The following ABCC4 variants were observed in gnomAD, a reference collection of about 807,000 sequenced individuals.
ABCC4 encodes ATP binding cassette subfamily C member 4 (PEL blood group).
A neutral mutation model predicts 168.5 loss-of-function variants in ABCC4; 102 were observed. That is an observed-to-expected ratio of 0.61 (90% confidence interval 0.52 to 0.71). The LOEUF is 0.71. ABCC4 is among the 30% of genes least tolerant of loss of function. The pLI, the probability that ABCC4 is intolerant of heterozygous loss-of-function variation, is 0.00. For missense variants in ABCC4, 1,402 were observed against 1,605.8 expected (o/e 0.87, Z 2.17); for synonymous variants, 617 against 590.7 (o/e 1.04, Z -0.65).
At chr13:95,256,729 G>A (rs141263084) in intron 1 of ABCC4, among the ~76,000 whole-genome samples, 252 of 151,976 alleles carry the variant, frequency 1.7e-3, no homozygotes, top group African/African-American at 6.0e-3. Context: ...TTGCCCTCCA[G>A]CCTGGGTGAC....
At chr13:95,247,541 G>A (rs2138807181) in intron 2 of ABCC4, 102 bp downstream of exon 2, 2 of 839,216 alleles carry the variant, frequency 2.4e-6, no homozygotes, top group East Asian at 5.0e-5. Flanking sequence ...TTCACCTTAA[G>A]GGTAAACGGA....
chr13:95,076,597 TG>T (rs2033916466), intron 21 of ABCC4, among the ~76,000 whole-genome samples: 1 of 151,578 alleles, frequency 6.6e-6, no homozygotes, highest in Non-Finnish European at 1.5e-5. Flanking sequence ...CCTAAGTAGC[TG>T]GGATTACAGA....
intron 4 of ABCC4, among the ~76,000 whole-genome samples, chr13:95,226,852 T>C (rs906806617): frequency 2.0e-5 from 3 of 152,190 alleles, no homozygotes; most frequent in Admixed American, 1.3e-4. Flanking sequence ...TATTCACCAA[T>C]GAGGGGGATT....
Position 95,029,167 on chromosome 13 carries a change from CATATATATATATATATATAT to C in ABCC4, c.3870+5418_3870+5437del, listed in dbSNP as rs67576340. On this transcript the variant is annotated intron_variant, in intron 30 of 30. Transcript: ENST00000645237. ...GAGTGAAACTGCTTTAAAAAAAATA[CATATATATATATATATATAT>C]ATATATATATATATATATATATATA... Among the ~76,000 whole-genome samples, 438 of 82,902 alleles carry C rather than the reference CATATATATATATATATATAT, an allele frequency of 5.3e-3. 10 individuals are homozygous for C. Among genetic ancestry groups the C allele is most frequent in the African/African-American group, 0.015 (262 of 17,564 alleles). 54.4% of individuals were successfully genotyped at this position (82,902 alleles called of 152,430 possible).
At chr13:95,147,173 G>A (rs979340090) in intron 19 of ABCC4, among the ~76,000 whole-genome samples, 4 of 152,120 alleles carry the variant, frequency 2.6e-5, no homozygotes, top group Middle Eastern at 3.4e-3. Flanking sequence ...AAAATTAGTA[G>A]GTGTCCTATC....
chr13:95,204,209 G>A (rs1468546413), intron 8 of ABCC4, among the ~76,000 whole-genome samples: 1 of 152,112 alleles, frequency 6.6e-6, no homozygotes, highest in Admixed American at 6.6e-5. Flanking sequence ...TACACCTAGG[G>A]TTCAAAAATA....
intron 29 of ABCC4, among the ~76,000 whole-genome samples, chr13:95,040,503 TG>T (rs1161301832): frequency 6.6e-6 from 1 of 152,234 alleles, no homozygotes; most frequent in Non-Finnish European, 1.5e-5. Context: ...CCCAAAGTGC[TG>T]GGATTACAGG....
At chr13:95,277,221 T>C (rs1036834673) in intron 1 of ABCC4, among the ~76,000 whole-genome samples, 12 of 151,858 alleles carry the variant, frequency 7.9e-5, no homozygotes, top group African/African-American at 2.9e-4. Flanking sequence ...GAGTTCACAT[T>C]GGGGAAGGGA....
At chr13:95,157,123 C>T (rs992279774) in intron 19 of ABCC4, among the ~76,000 whole-genome samples, 3 of 144,940 alleles carry the variant, frequency 2.1e-5, no homozygotes, top group Admixed American at 1.3e-4. Context: ...CACACACACA[C>T]ACACACAAAC....
chr13:95,078,910 C>T (rs1260066945), intron 21 of ABCC4, among the ~76,000 whole-genome samples: 1 of 152,118 alleles, frequency 6.6e-6, no homozygotes, highest in Non-Finnish European at 1.5e-5. Flanking sequence ...TCAGGAGATC[C>T]AAGTCGCCAC....
At chr13:95,058,968 T>C (rs1158477367) in intron 26 of ABCC4, among the ~76,000 whole-genome samples, 3 of 152,254 alleles carry the variant, frequency 2.0e-5, no homozygotes, top group Non-Finnish European at 4.4e-5. Context: ...ACCATCCTTA[T>C]GTCTTTTATA....
chr13:95,109,504 G>T (rs775885501), intron 20 of ABCC4, among the ~76,000 whole-genome samples: 21 of 151,966 alleles, frequency 1.4e-4, no homozygotes, highest in Admixed American at 3.9e-4. Context: ...TTTGAATTTT[G>T]CTCTTTGTAT....
intron 8 of ABCC4, among the ~76,000 whole-genome samples, chr13:95,195,853 C>T (rs1678382): frequency 0.16 from 24,416 of 151,938 alleles, 2,412 homozygotes; most frequent in African/African-American, 0.27. Flanking sequence ...AGGCTGGTCT[C>T]GAACTGCTGG....
chr13:95,170,394 T>C (rs927956607), intron 14 of ABCC4, 138 bp downstream of exon 14: 58 of 546,492 alleles, frequency 1.1e-4, no homozygotes, highest in Non-Finnish European at 2.9e-5. Context: ...TAATGACATT[T>C]CTACAAGTCT....
intron 19 of ABCC4, among the ~76,000 whole-genome samples, chr13:95,158,919 A>G (rs1486884447): frequency 6.6e-6 from 1 of 151,268 alleles, no homozygotes; most frequent in Admixed American, 6.6e-5. Context: ...AATAGAATAA[A>G]ATAAATTTTA....
At chr13:95,272,274 G>C (rs1332696486) in intron 1 of ABCC4, among the ~76,000 whole-genome samples, 1 of 130,454 alleles carries the variant, frequency 7.7e-6, no homozygotes, top group African/African-American at 3.7e-5. Flanking sequence ...TCAAACTCCT[G>C]ACCTCAGGTG....
At chr13:95,137,269 T>C (rs2036172185) in intron 19 of ABCC4, among the ~76,000 whole-genome samples, 1 of 152,190 alleles carries the variant, frequency 6.6e-6, no homozygotes, top group Non-Finnish European at 1.5e-5. Context: ...GAAGGCCACG[T>C]GTATTGAGAC....
intron 1 of ABCC4, among the ~76,000 whole-genome samples, chr13:95,278,731 G>A (rs1028384355): frequency 2.1e-5 from 3 of 145,860 alleles, no homozygotes; most frequent in African/African-American, 7.5e-5. Flanking sequence ...CGAGCACAGG[G>A]AGGTTGAGGC....
At chr13:95,191,153 G>C (rs1045580407) in intron 9 of ABCC4, among the ~76,000 whole-genome samples, 1 of 152,170 alleles carries the variant, frequency 6.6e-6, no homozygotes, top group Non-Finnish European at 1.5e-5. Context: ...TGTGCAATTA[G>C]TAAAATGCCC....
Sources: gnomAD v4.1 joint callset for allele counts (sites outside exome capture counted in the v4.1 genomes callset) on GRCh38, gnomAD v4.1.1 for gene constraint, MANE v1.5 for transcripts, NCBI Gene and HGNC (gene_info 2026-07-23, HGNC 2026-07-21) for gene names.